The following TEX55 variants were observed in gnomAD, a reference collection of about 807,000 sequenced individuals.
TEX55 encodes testis expressed 55, also known as testis-specific expressed protein 55.
TEX55 carries 31 observed loss-of-function variants against 44.6 expected under a neutral mutation model. The observed-to-expected ratio is 0.69, with a 90% CI of 0.52 to 0.94. The LOEUF is 0.94. Among genes scored for constraint, TEX55 ranks in the 40% least tolerant of loss-of-function variants. The pLI is 0.00. For synonymous variants in TEX55, 230 were observed against 230.9 expected (o/e 1.00, Z 0.04); for missense variants, 639 against 638.4 (o/e 1.00, Z -0.01).
In TEX55 at chr3:119,147,389, A is replaced by C; in HGVS notation, c.1200A>C (p.Val400=). The C allele has an allele frequency of 6.2e-7, 1 of 1,614,234 alleles. No homozygotes were observed. The highest frequency in any genetic ancestry group is 8.5e-7 in the Non-Finnish European group (1 of 1,180,044). Residue 400 remains valine, a synonymous_variant, in exon 1 of 3, where the codon GTA becomes GTC. Coordinates refer to ENST00000295622, the MANE Select transcript of TEX55 (RefSeq NM_152539.3). ...VQPCKFEDSQ[V]DLNSKPSVEM... is the part of the protein sequence containing the mutation. Reference sequence around the variant, plus strand: ...CCTGCAAATTTGAGGATAGCCAAGTAGACCTCAATTCCAAGCCTTCAGTTG... The same window carrying C: ...CCTGCAAATTTGAGGATAGCCAAGTCGACCTCAATTCCAAGCCTTCAGTTG...
rs138617706 is a variant in TEX55, at chr3:119,147,081, G to A, written c.892G>A (p.Val298Ile). Residue 298 changes from valine to isoleucine, a missense_variant, in exon 1 of 3, where the codon GTT becomes ATT. Val to Ile is a conservative substitution (Grantham distance 29). Transcript: ENST00000295622. The stretch of plus-strand genomic sequence containing the variant: ...GACTGACCTCAGATTGTATGGCCTC[G>A]TTGACCACAAAACATCTGTAAAGAC... ...EQTDLRLYGL[V>I]DHKTSVKTHH... 1.4e-5 allele frequency: 23 copies of A among 1,613,984 alleles called. No individual in the cohort carries two copies. Among genetic ancestry groups the A allele is most frequent in the Middle Eastern group, 1.6e-4 (1 of 6,082 alleles).
In TEX55 at chr3:119,146,193, G is replaced by A. The variant is rs1186108612; in HGVS notation, c.4G>A (p.Glu2Lys). The part of the protein sequence containing the change: M[E>K]EPPQEALAEP... ...CCAGTCAGGGACGCGGCAGGAAATG[G>A]AAGAGCCTCCGCAAGAGGCTCTGGC... Residue 2 changes from glutamate (E) to lysine (K), a missense_variant, in exon 1 of 3, where the codon GAA (glutamate) becomes AAA (lysine). By Grantham distance (56) the Glu-to-Lys change is moderately conservative (BLOSUM62 1). Coordinates refer to ENST00000295622, the MANE Select transcript of TEX55 (RefSeq NM_152539.3). 3 of 1,600,498 alleles carry A rather than the reference G, an allele frequency of 1.9e-6. No homozygotes were observed. The highest frequency in any genetic ancestry group is 1.1e-5 in the South Asian group (1 of 88,840).
rs531335072 is a variant in TEX55, at chr3:119,146,365, T to A, written c.176T>A (p.Val59Glu). Residue 59 changes from valine (V) to glutamate (E), a missense_variant, in exon 1 of 3, where the codon GTG becomes GAG. By Grantham distance (121) the Val-to-Glu change is moderately radical (BLOSUM62 -2). Transcript: ENST00000295622. ...ATAGCTGACCAGACTGCCCTAAGAGTGCCTAGCCAGGCTGAATCCAGCATA... is the reference window on the plus strand; with the variant it reads ...ATAGCTGACCAGACTGCCCTAAGAGAGCCTAGCCAGGCTGAATCCAGCATA... ...HRIADQTALR[V>E]PSQAESSIFS... is the part of the protein sequence containing the mutation. 1.9e-6 allele frequency: 3 copies of A among 1,613,992 alleles called. No homozygotes were observed. The highest frequency in any genetic ancestry group is 1.1e-5 in the South Asian group (1 of 91,058).
At chr3:119,149,228 A>T (rs188950078) in intron 2 of TEX55, among the ~76,000 whole-genome samples, 2 of 152,032 alleles carry the variant, frequency 1.3e-5, no homozygotes, top group African/African-American at 2.4e-5. Context: ...TTTTCTTTAC[A>T]TTCTTATTCT....
chr3:119,146,649 G>A lies in TEX55; in HGVS notation c.460G>A (p.Ala154Thr). 1 of 1,614,194 alleles carries A rather than the reference G, an allele frequency of 6.2e-7. No individual in the cohort carries two copies. The highest frequency in any genetic ancestry group is 8.5e-7 in the Non-Finnish European group (1 of 1,180,042). Residue 154 changes from alanine (A) to threonine (T), a missense_variant, in exon 1 of 3, where the codon GCT (alanine) becomes ACT (threonine). Coordinates refer to ENST00000295622, the MANE Select transcript of TEX55 (RefSeq NM_152539.3). ...EQTERRLPTQ[A>T]ERRTSGQIDG... ...GACTGAACGAAGATTACCTACCCAG[G>A]CTGAGAGAAGAACTTCTGGGCAGAT...
intron 1 of TEX55, 125 bp downstream of exon 1, chr3:119,147,712 G>C: frequency 1.2e-6 from 1 of 810,654 alleles, no homozygotes; most frequent in South Asian, 1.8e-5. Context: ...AAACCCACAT[G>C]TTGTGGTATG....
chr3:119,147,617 T>A (rs368593181), intron 1 of TEX55, 30 bp downstream of exon 1: 80 of 1,573,718 alleles, frequency 5.1e-5, no homozygotes, highest in Non-Finnish European at 4.4e-5. Context: ...GATACCTACC[T>A]GGGAGATCAG....
chr3:119,146,556 A>G lies in TEX55; in HGVS notation c.367A>G (p.Asn123Asp), dbSNP rs1287274846. 2 of 1,613,852 alleles carry G rather than the reference A, an allele frequency of 1.2e-6. No homozygotes were observed. The highest frequency in any genetic ancestry group is 2.7e-5 in the African/African-American group (2 of 74,946). The change falls in exon 1 of 3, where the codon AAT becomes GAT. Residue 123 changes from asparagine to aspartate, a missense_variant. Coordinates refer to ENST00000295622, the MANE Select transcript of TEX55 (RefSeq NM_152539.3). ...TAAAGGCAAGGCATCTAGCCAAGCT[A>G]ATAATGTACAGCATGAACAGAGTGA... ...QTKGKASSQANNVQHEQSDGQ... is the reference protein window; with the variant it reads ...QTKGKASSQADNVQHEQSDGQ...
chr3:119,147,983 A>T (rs546191742), intron 1 of TEX55, among the ~76,000 whole-genome samples, 197 bp from the exon 2 acceptor site: 1 of 152,294 alleles, frequency 6.6e-6, no homozygotes, highest in Admixed American at 6.5e-5. Flanking sequence ...GGCAATGCCT[A>T]AGGTACCTCC....
rs2077733117 is a variant in TEX55 at position 119,146,950 on chromosome 3, C to T, written c.761C>T (p.Pro254Leu). ...TCGTCCGTACCATCTGACCAAAGAC[C>T]TTCCGTACAGATTGACCGCAGAATG... The part of the protein sequence containing the change: ...SGSSVPSDQR[P>L]SVQIDRRMSG... The change falls in exon 1 of 3, where the codon CCT (proline) becomes CTT (leucine). Residue 254 changes from proline (P) to leucine (L), a missense_variant. Pro to Leu is a moderately conservative substitution (Grantham distance 98). Transcript: ENST00000295622. 5 of 1,614,092 alleles carry T rather than the reference C, an allele frequency of 3.1e-6. No homozygotes were observed. Among genetic ancestry groups the T allele is most frequent in the African/African-American group, 1.3e-5 (1 of 75,060 alleles).
Position 119,147,170 on chromosome 3 carries a change from T to C in TEX55, c.981T>C (p.His327=). 2 of 1,614,144 alleles carry C rather than the reference T, an allele frequency of 1.2e-6. No homozygotes were observed. The highest frequency in any genetic ancestry group is 8.5e-7 in the Non-Finnish European group (1 of 1,180,020). The change falls in exon 1 of 3, where the codon CAT becomes CAC. Residue 327 remains histidine, a synonymous_variant. Transcript: ENST00000295622. The part of the protein sequence containing the change: ...LAEHQAIDQA[H]SNADQPPVDN... ...AACACCAGGCTATTGACCAAGCTCA[T>C]AGTAATGCTGATCAACCTCCAGTTG...
rs1331782957 is a variant in TEX55 at position 119,150,041 on chromosome 3, C to T, written c.1543-1183C>T. On this transcript the variant is annotated intron_variant, in intron 2 of 2. Coordinates refer to ENST00000295622, the MANE Select transcript of TEX55 (RefSeq NM_152539.3). ...AGCACAGATTTTGTAATCTGTTAGC[C>T]CAAGTCTCAAATCCTAACTTTGCAC... Among the ~76,000 whole-genome samples, 5 of 152,030 alleles carry T rather than the reference C, an allele frequency of 3.3e-5. No homozygotes were observed. The East Asian group carries it at 5.8e-4, about 18-fold the overall frequency.
chr3:119,146,564 A>G lies in TEX55; in HGVS notation c.375A>G (p.Val125=). 6.2e-7 allele frequency: 1 copy of G among 1,613,970 alleles called. No homozygotes were observed. Among genetic ancestry groups the G allele is most frequent in the South Asian group, 1.1e-5 (1 of 91,086 alleles). ...KGKASSQANN[V]QHEQSDGQVS... Reference sequence around the variant, plus strand: ...AGGCATCTAGCCAAGCTAATAATGTACAGCATGAACAGAGTGATGGTCAGG... The same window carrying G: ...AGGCATCTAGCCAAGCTAATAATGTGCAGCATGAACAGAGTGATGGTCAGG... Residue 125 remains valine (V), a synonymous_variant, in exon 1 of 3, where the codon GTA becomes GTG. Coordinates refer to ENST00000295622, the MANE Select transcript of TEX55 (RefSeq NM_152539.3).
At chr3:119,150,056 T>TGAAG (rs1389579000) in intron 2 of TEX55, among the ~76,000 whole-genome samples, 2 of 152,218 alleles carry the variant, frequency 1.3e-5, no homozygotes, top group African/African-American at 4.8e-5. Flanking sequence ...TCTCAAATCC[T>TGAAG]AACTTTGCAC....
At chr3:119,148,353 T>C (rs1156923011) in intron 2 of TEX55, 30 bp downstream of exon 2, 115 of 1,595,116 alleles carry the variant, frequency 7.2e-5, no homozygotes, top group Non-Finnish European at 9.8e-5. Context: ...TCTTTAATTA[T>C]AAGTTTTTCA....
intron 2 of TEX55, among the ~76,000 whole-genome samples, chr3:119,150,976 A>G (rs2077775923): frequency 6.6e-6 from 1 of 152,146 alleles, no homozygotes; most frequent in South Asian, 2.1e-4. Context: ...GTGTGCACCT[A>G]TAGTCCTAGC....
chr3:119,146,373 C>A lies in TEX55; in HGVS notation c.184C>A (p.Gln62Lys), dbSNP rs2107555211. The change falls in exon 1 of 3, where the codon CAG (glutamine) becomes AAG (lysine). Residue 62 changes from glutamine to lysine, a missense_variant. Coordinates refer to ENST00000295622, the MANE Select transcript of TEX55 (RefSeq NM_152539.3). ...CCAGACTGCCCTAAGAGTGCCTAGC[C>A]AGGCTGAATCCAGCATATTTAGCCA... ...ADQTALRVPS[Q>K]AESSIFSQAT... 1 of 1,614,192 alleles carries A rather than the reference C, an allele frequency of 6.2e-7. No homozygotes were observed. The highest frequency in any genetic ancestry group is 1.1e-5 in the South Asian group (1 of 91,084).
At position 119,147,380 on chromosome 3, in the gene TEX55, T is replaced by A; in HGVS notation, c.1191T>A (p.Asp397Glu). ...DYRVQPCKFE[D>E]SQVDLNSKPS... ...GAGTACAACCCTGCAAATTTGAGGA[T>A]AGCCAAGTAGACCTCAATTCCAAGC... Residue 397 changes from aspartate to glutamate, a missense_variant, in exon 1 of 3, where the codon GAT becomes GAA. Asp to Glu is a conservative substitution (Grantham distance 45). Coordinates refer to ENST00000295622, the MANE Select transcript of TEX55 (RefSeq NM_152539.3). The A allele has an allele frequency of 6.2e-7, 1 of 1,614,162 alleles. No homozygotes were observed. Among genetic ancestry groups the A allele is most frequent in the South Asian group, 1.1e-5 (1 of 91,076 alleles).
intron 2 of TEX55, 53 bp downstream of exon 2, chr3:119,148,376 AAG>A (rs1272337212): frequency 1.3e-6 from 2 of 1,528,018 alleles, no homozygotes; most frequent in Non-Finnish European, 1.8e-6. Flanking sequence ...AGGTACAAGA[AAG>A]AGTGTATTCT....
Sources: gnomAD v4.1 joint callset for allele counts (sites outside exome capture counted in the v4.1 genomes callset) on GRCh38, gnomAD v4.1.1 for gene constraint, MANE v1.5 for transcripts, NCBI Gene and HGNC (gene_info 2026-07-23, HGNC 2026-07-21) for gene names.